The following CBL variants were observed in gnomAD, a reference collection of about 807,000 sequenced individuals.
CBL encodes the protein E3 ubiquitin-protein ligase CBL.
A neutral mutation model predicts 96.9 loss-of-function variants in CBL; 45 were observed. The ratio of observed to expected loss-of-function variants is 0.46; its 90% CI spans 0.37 to 0.60. CBL has a LOEUF of 0.60. Ranked by LOEUF, CBL falls within the 20% of genes least tolerant of loss-of-function variation. CBL has a pLI of 0.00. For missense variants in CBL, 1,024 were observed against 1,143.5 expected, an observed-to-expected ratio of 0.90 and a Z score of 1.51; for synonymous variants, 420 against 426.8, an observed-to-expected ratio of 0.98 and a Z score of 0.20.
rs1428659962 is a variant in CBL at position 119,232,261 on chromosome 11, TG to T, written c.196-182del. The stretch of plus-strand genomic sequence containing the variant: ...AAACGGATTTAAAAACACATTCTTC[TG>T]GGGGACCACTAAAAATTTTAAAATG... On this transcript the variant is annotated intron_variant, in intron 1 of 15. Coordinates refer to ENST00000264033, the MANE Select transcript of CBL (RefSeq NM_005188.4). Among the ~76,000 whole-genome samples the T allele has an allele frequency of 2.0e-5, 3 of 152,206 alleles. No homozygotes were observed. The East Asian group carries it at 5.8e-4, about 29-fold the overall frequency.
intron 1 of CBL, among the ~76,000 whole-genome samples, chr11:119,218,314 A>G (rs1212280442): frequency 6.6e-6 from 1 of 152,082 alleles, no homozygotes; most frequent in Non-Finnish European, 1.5e-5. Flanking sequence ...ATCTCTGAGG[A>G]GACAAAAAGG....
intron 12 of CBL, among the ~76,000 whole-genome samples, chr11:119,293,937 C>G (rs906940088): frequency 1.3e-5 from 2 of 152,166 alleles, no homozygotes; most frequent in Non-Finnish European, 2.9e-5. Flanking sequence ...ATTGAGACTA[C>G]TTTAAACGCC....
At chr11:119,285,733 A>C (rs1949980248) in intron 11 of CBL, among the ~76,000 whole-genome samples, 167 bp downstream of exon 11, 2 of 152,110 alleles carry the variant, frequency 1.3e-5, no homozygotes, top group African/African-American at 2.4e-5. Flanking sequence ...CTGTCTCTAC[A>C]AAAATTACAA....
intron 1 of CBL, among the ~76,000 whole-genome samples, chr11:119,217,586 A>G (rs1242361549): frequency 6.6e-6 from 1 of 152,098 alleles, no homozygotes; most frequent in East Asian, 1.9e-4. Context: ...TTGCATTCCT[A>G]ATCAGCTCTC....
chr11:119,223,241 C>T (rs1326945829), intron 1 of CBL, among the ~76,000 whole-genome samples: 1 of 140,976 alleles, frequency 7.1e-6, no homozygotes, highest in African/African-American at 2.7e-5. Flanking sequence ...CCATCTTGCC[C>T]AGCTGGTCTC....
rs1225403053 is a variant in CBL, at chr11:119,304,786, C to T, written c.*5005C>T. On this transcript the variant is annotated 3_prime_UTR_variant, in exon 16 of 16. Coordinates refer to ENST00000264033, the MANE Select transcript of CBL (RefSeq NM_005188.4). ...GATTACAGGCGCCTGCCACCATGCC[C>T]AGCTAATGTTCATATTTTTAGTAGA... 1.0e-5 allele frequency: 2 copies of T among 192,088 alleles called. No homozygotes were observed. Among genetic ancestry groups the T allele is most frequent in the Non-Finnish European group, 1.1e-5 (1 of 91,952 alleles). 11.9% of individuals were successfully genotyped at this position (192,088 alleles called of 1,614,324 possible).
In CBL at chr11:119,274,942, C is replaced by G; in HGVS notation, c.858C>G (p.His286Gln). 6.2e-7 allele frequency: 1 copy of G among 1,613,992 alleles called. No homozygotes were observed. Among genetic ancestry groups the G allele is most frequent in the South Asian group, 1.1e-5 (1 of 91,066 alleles). The change falls in exon 5 of 16, where the codon CAC becomes CAG. Residue 286 changes from histidine to glutamine, a missense_variant. This residue lies in a region of CBL where 192 missense variants were observed against 321.8 expected (regional missense o/e 0.60). Coordinates refer to ENST00000264033, the MANE Select transcript of CBL (RefSeq NM_005188.4). ...EVKARLQKFI[H>Q]KPGSYIFRLS... Reference sequence around the variant, plus strand: ...AAGCTCGGCTCCAGAAATTCATTCACAAACCTGGCAGGTCAGTTCAATGAC... The same window carrying G: ...AAGCTCGGCTCCAGAAATTCATTCAGAAACCTGGCAGGTCAGTTCAATGAC...
chr11:119,215,949 C>A (rs185085070), intron 1 of CBL, among the ~76,000 whole-genome samples: 1 of 152,236 alleles, frequency 6.6e-6, no homozygotes, highest in Non-Finnish European at 1.5e-5. Context: ...TGGAAGCCAG[C>A]GTCAGCTTTG....
chr11:119,304,486 A>C lies in CBL; in HGVS notation c.*4705A>C, dbSNP rs1004969451. The C allele has an allele frequency of 8.6e-6, 2 of 233,138 alleles. No individual in the cohort carries two copies. Among genetic ancestry groups the C allele is most frequent in the African/African-American group, 4.4e-5 (2 of 45,342 alleles). 14.4% of individuals were successfully genotyped at this position (233,138 alleles called of 1,614,324 possible). On this transcript the variant is annotated 3_prime_UTR_variant, in exon 16 of 16. Transcript: ENST00000264033. ...GGTTCTTGGGTGGAGCTGGAACTGCAGAGCTTTGCACCTAGTCCTTTCTCC... is the reference window on the plus strand; with the variant it reads ...GGTTCTTGGGTGGAGCTGGAACTGCCGAGCTTTGCACCTAGTCCTTTCTCC...
intron 2 of CBL, among the ~76,000 whole-genome samples, chr11:119,235,337 A>T (rs1387585673): frequency 6.6e-6 from 1 of 151,456 alleles, no homozygotes; most frequent in Admixed American, 6.6e-5. Context: ...CTGGTCTCAA[A>T]CTCCTGGCCT....
At chr11:119,247,512 A>AAT (rs1439258256) in intron 2 of CBL, among the ~76,000 whole-genome samples, 2 of 152,224 alleles carry the variant, frequency 1.3e-5, no homozygotes, top group African/African-American at 4.8e-5. Flanking sequence ...ACACAAGATC[A>AAT]ATATACAGAA....
chr11:119,298,293 C>T lies in CBL; in HGVS notation c.2252-65C>T, dbSNP rs17848889. 3.3e-4 allele frequency: 455 copies of T among 1,385,860 alleles called. 6 individuals carry two copies. In the East Asian group the frequency reaches 7.4e-3, roughly 23 times the overall value. The allele number at this position is 1,385,860 out of a possible 1,614,324, so 85.8% of individuals were successfully genotyped here. A position where few individuals can be genotyped will look rare whatever the true frequency, so the allele number is the denominator to read the frequency against. On this transcript the variant is annotated intron_variant, in intron 14 of 15. Coordinates refer to ENST00000264033, the MANE Select transcript of CBL (RefSeq NM_005188.4). ...TACATGTAAAAATGAATGGCTGCCC[C>T]GTATTGAAATGTATTAGAAGATGAA...
At chr11:119,239,394 T>C (rs2135271335) in intron 2 of CBL, among the ~76,000 whole-genome samples, 1 of 152,330 alleles carries the variant, frequency 6.6e-6, no homozygotes, top group Non-Finnish European at 1.5e-5. Context: ...AATGGAATTG[T>C]TAATTTTAGG....
At chr11:119,267,535 T>A (rs1949812512) in intron 2 of CBL, among the ~76,000 whole-genome samples, 1 of 152,164 alleles carries the variant, frequency 6.6e-6, no homozygotes, top group African/African-American at 2.4e-5. Flanking sequence ...CAGACTCAGC[T>A]TAAAAAGCAA....
chr11:119,233,007 T>G (rs1949516076), intron 2 of CBL, among the ~76,000 whole-genome samples: 1 of 152,090 alleles, frequency 6.6e-6, no homozygotes, highest in Admixed American at 6.5e-5. Flanking sequence ...GAAAGAAGAC[T>G]GGGGTTAAGT....
At chr11:119,290,633 A>G (rs1950019734) in intron 12 of CBL, among the ~76,000 whole-genome samples, 1 of 142,648 alleles carries the variant, frequency 7.0e-6, no homozygotes, top group Admixed American at 7.0e-5. Flanking sequence ...AAAAAAAAAG[A>G]GATACTTTCA....
In CBL at chr11:119,299,846, C is replaced by G; in HGVS notation, c.*65C>G. ...TTGGGAGTTATTACTCAAGTGGCACCTAGAAGGGCAGGAGTTCCTTTGGTG... is the reference window on the plus strand; with the variant it reads ...TTGGGAGTTATTACTCAAGTGGCACGTAGAAGGGCAGGAGTTCCTTTGGTG... On this transcript the variant is annotated 3_prime_UTR_variant, in exon 16 of 16. Transcript: ENST00000264033. 1 of 1,525,834 alleles carries G rather than the reference C, an allele frequency of 6.6e-7. No homozygotes were observed. Among genetic ancestry groups the G allele is most frequent in the Non-Finnish European group, 9.0e-7 (1 of 1,106,540 alleles). The allele number at this position is 1,525,834 out of a possible 1,614,324, so 94.5% of individuals were successfully genotyped here. A position where few individuals can be genotyped will look rare whatever the true frequency, so the allele number is the denominator to read the frequency against.
chr11:119,206,724 G>A (rs1949272475), intron 1 of CBL, 112 bp downstream of exon 1: 3 of 1,195,224 alleles, frequency 2.5e-6, no homozygotes, highest in Non-Finnish European at 3.4e-6. Context: ...TGGTGAAGCC[G>A]GGGAGGCGCG....
At position 119,278,146 on chromosome 11, in the gene CBL, T is replaced by C. The variant is rs773473702; in HGVS notation, c.1096-20T>C. 1.9e-6 allele frequency: 3 copies of C among 1,555,934 alleles called. No homozygotes were observed. Among genetic ancestry groups the C allele is most frequent in the Non-Finnish European group, 2.7e-6 (3 of 1,129,416 alleles). ...AGTTATTTATTCAACTAATAGTCTT[T>C]TAATTTTTTTTAATCAAAGGAACAA... On this transcript the variant is annotated intron_variant, in intron 7 of 15. Coordinates refer to ENST00000264033, the MANE Select transcript of CBL (RefSeq NM_005188.4).
Sources: allele counts gnomAD v4.1 joint callset (sites outside exome capture counted in the v4.1 genomes callset), GRCh38; gene constraint gnomAD v4.1.1; regional missense constraint gnomAD v4.1.1; transcripts MANE v1.5; gene names NCBI Gene and HGNC (gene_info 2026-07-23, HGNC 2026-07-21).